GAL3ST1: variants seen among roughly 807,000 people sequenced by gnomAD.
GAL3ST1 encodes the protein galactose-3-O-sulfotransferase 1, also known as galactosylceramide sulfotransferase.
GAL3ST1 carries 13 observed loss-of-function variants against 25.0 expected under a neutral mutation model. The observed-to-expected ratio is 0.52, with a 90% CI of 0.34 to 0.83. The LOEUF is 0.83. GAL3ST1 is among the 40% of genes least tolerant of loss of function. The pLI, the probability that GAL3ST1 is intolerant of heterozygous loss-of-function variation, is 0.02. For missense variants in GAL3ST1, 474 were observed against 613.6 expected, an observed-to-expected ratio of 0.77 and a Z score of 2.40; for synonymous variants, 274 against 277.8, an observed-to-expected ratio of 0.99 and a Z score of 0.14.
chr22:30,556,185 G>A (rs1244563930), intron 3 of GAL3ST1, 92 bp from the exon 4 acceptor site: 10 of 1,070,582 alleles, frequency 9.3e-6, no homozygotes, highest in Non-Finnish European at 1.3e-5. Flanking sequence ...TGGGAACAGT[G>A]GTGGCAAAGG....
In GAL3ST1 at chr22:30,574,644, G is replaced by GGCC. The variant is rs2086857643; in HGVS notation, c.-301_-299dup. 1 of 143,826 alleles carries GGCC rather than the reference G, an allele frequency of 7.0e-6. No homozygotes were observed. The highest frequency in any genetic ancestry group is 1.5e-5 in the Non-Finnish European group (1 of 64,942). The allele number at this position is 143,826 out of a possible 1,614,324, so 8.9% of individuals were successfully genotyped here. ...CCGCTCCCGCGCCGCGCCCGCTCCC[G>GGCC]GCCAGGTGCCGCCGCCAGCCTGGCC... On this transcript the variant is annotated 5_prime_UTR_variant, in exon 1 of 4. Coordinates refer to ENST00000406361, the MANE Select transcript of GAL3ST1 (RefSeq NM_001318104.2).
intron 1 of GAL3ST1, chr22:30,564,999 G>C (rs1302826835): frequency 6.6e-6 from 1 of 152,346 alleles, no homozygotes; most frequent in African/African-American, 2.4e-5. Context: ...CCTGGGGATA[G>C]CAGGTGGCAC....
At chr22:30,556,246 C>T (rs1291951013) in intron 3 of GAL3ST1, 153 bp from the exon 4 acceptor site, 4 of 646,838 alleles carry the variant, frequency 6.2e-6, no homozygotes, top group African/African-American at 1.8e-5. Flanking sequence ...GGTGCCTGCG[C>T]GGGTGGTTTG....
chr22:30,555,262 G>A lies in GAL3ST1; in HGVS notation c.963C>T (p.Ala321=), dbSNP rs957550077. The A allele has an allele frequency of 4.4e-6, 7 of 1,601,476 alleles. No individual in the cohort carries two copies. The highest frequency in any genetic ancestry group is 6.0e-6 in the Non-Finnish European group (7 of 1,176,406). ...CGCGGGCCATGCGCTCCCGCCCGAAGGCCTCCACCTTGCGCCAGAAGCTGG... is the reference window on the plus strand; with the variant it reads ...CGCGGGCCATGCGCTCCCGCCCGAAAGCCTCCACCTTGCGCCAGAAGCTGG... The part of the protein sequence containing the change: ...FNASFWRKVE[A]FGRERMAREV... The change falls in exon 4 of 4, where the codon GCC becomes GCT. Residue 321 remains alanine (A), a synonymous_variant. Coordinates refer to ENST00000406361, the MANE Select transcript of GAL3ST1 (RefSeq NM_001318104.2). This position sits in a 1 kb window ranked among gnomAD's most constrained non-coding sequence, Gnocchi z 8.6.
chr22:30,573,128 T>C (rs888090143), intron 1 of GAL3ST1, among the ~76,000 whole-genome samples: 7 of 152,026 alleles, frequency 4.6e-5, no homozygotes, highest in African/African-American at 7.2e-5. Flanking sequence ...TTGTCTCGGC[T>C]CCCGGGGTAG....
Position 30,555,783 on chromosome 22 carries a change from C to G in GAL3ST1, c.442G>C (p.Glu148Gln), listed in dbSNP as rs917406506. 7 of 1,614,000 alleles carry G rather than the reference C, an allele frequency of 4.3e-6. No homozygotes were observed. In the Admixed American group the frequency reaches 1.0e-4, roughly 23 times the overall value. Residue 148 changes from glutamate (E) to glutamine (Q), a missense_variant, in exon 4 of 4, where the codon GAG becomes CAG. Glu to Gln is a conservative substitution (Grantham distance 29). Transcript: ENST00000406361. The surrounding 1 kb of genome is among the most constrained non-coding windows in gnomAD (Gnocchi z 8.6). The stretch of plus-strand genomic sequence containing the variant: ...TTGGTCGGCACCAGGCCGCGCACCT[C>G]GTCGTAGTGGAAGCGCATGTGGTTG... ...ICNHMRFHYD[E>Q]VRGLVPTNAI...
intron 1 of GAL3ST1, among the ~76,000 whole-genome samples, chr22:30,561,441 C>G (rs184004566): frequency 6.6e-5 from 10 of 152,340 alleles, no homozygotes; most frequent in South Asian, 2.1e-4. Flanking sequence ...CTCCACCCCC[C>G]ACCCTGCTGT....
At chr22:30,570,348 G>C (rs1347479031) in intron 1 of GAL3ST1, among the ~76,000 whole-genome samples, 2 of 152,178 alleles carry the variant, frequency 1.3e-5, no homozygotes, top group Non-Finnish European at 2.9e-5. Context: ...CTCAGACCCA[G>C]CAATCCACCT....
intron 3 of GAL3ST1, 62 bp from the exon 4 acceptor site, chr22:30,556,155 T>C: frequency 7.6e-7 from 1 of 1,311,176 alleles, no homozygotes; most frequent in South Asian, 1.3e-5. Flanking sequence ...AGGACTCTGG[T>C]AGTTAGAGAG....
intron 1 of GAL3ST1, among the ~76,000 whole-genome samples, chr22:30,571,874 A>G (rs1374328030): frequency 3.9e-5 from 6 of 152,022 alleles, no homozygotes; most frequent in Non-Finnish European, 7.4e-5. Context: ...AAAAACAAAA[A>G]CAAAAACAAA....
chr22:30,559,351 C>T (rs1037724782), intron 1 of GAL3ST1, among the ~76,000 whole-genome samples: 1 of 152,030 alleles, frequency 6.6e-6, no homozygotes, highest in East Asian at 1.9e-4. Context: ...AGCGATTCTC[C>T]TGCCTCAGCC....
In GAL3ST1 at chr22:30,555,589, GTGGGCATTGAAGCCGT is replaced by G; in HGVS notation, c.620_635del (p.Asn207ThrfsTer51). 6.2e-7 allele frequency: 1 copy of G among 1,613,594 alleles called. No individual in the cohort carries two copies. The highest frequency in any genetic ancestry group is 8.5e-7 in the Non-Finnish European group (1 of 1,180,040). ...CGAAGAAGAGCAGGTTTCGGAGGTA[GTGGGCATTGAAGCCGT>G]TGGGGTCGTAGTAGCGATCCGGGTC... is the stretch of plus-strand genomic sequence containing the variant. On this transcript the variant is annotated frameshift_variant, in exon 4 of 4. Transcript: ENST00000406361. LOFTEE classifies it high-confidence loss of function. The surrounding 1 kb of genome is among the most constrained non-coding windows in gnomAD (Gnocchi z 8.6).
At chr22:30,556,634 G>GC (rs1336241682) in intron 3 of GAL3ST1, among the ~76,000 whole-genome samples, 3 of 152,156 alleles carry the variant, frequency 2.0e-5, no homozygotes, top group Admixed American at 1.3e-4. Flanking sequence ...CCCCACCAGG[G>GC]CCCCGTTGGC....
rs779387845 is a variant in GAL3ST1 at position 30,555,894 on chromosome 22, C to G, written c.331G>C (p.Gly111Arg). Reference protein sequence around the residue: ...KHRLKFAFPNGRNDFDYPTFF... With the variant: ...KHRLKFAFPNRRNDFDYPTFF... ...GTCGGGTAGTCGAAGTCATTGCGGC[C>G]GTTAGGGAAGGCGAACTTGAGCCGG... The change falls in exon 4 of 4, where the codon GGC becomes CGC. Residue 111 changes from glycine (G) to arginine (R), a missense_variant. Gly to Arg is a moderately radical substitution (Grantham distance 125). Around this residue, in one of 2 missense-constraint regions of GAL3ST1, gnomAD observed 359 missense variants for 504.4 expected, o/e 0.71. Transcript: ENST00000406361. The surrounding 1 kb of genome is among the most constrained non-coding windows in gnomAD (Gnocchi z 8.6). 2 of 1,614,172 alleles carry G rather than the reference C, an allele frequency of 1.2e-6. No individual in the cohort carries two copies. The highest frequency in any genetic ancestry group is 4.5e-5 in the East Asian group (2 of 44,876).
chr22:30,557,787 CT>C (rs10711898), intron 2 of GAL3ST1: 114,391 of 150,486 alleles, frequency 0.76, 43,610 homozygotes, highest in Middle Eastern at 0.8. Context: ...TACTTATTAC[CT>C]TTTTTTTTTT....
intron 1 of GAL3ST1, among the ~76,000 whole-genome samples, chr22:30,569,227 TA>T (rs773519383): frequency 1.7e-4 from 26 of 151,396 alleles, no homozygotes; most frequent in Admixed American, 2.6e-4. Context: ...GGCTACTGGG[TA>T]AGAAATGAAC....
At chr22:30,573,418 G>A (rs900245770) in intron 1 of GAL3ST1, among the ~76,000 whole-genome samples, 1 of 152,214 alleles carries the variant, frequency 6.6e-6, no homozygotes, top group African/African-American at 2.4e-5. Context: ...ATGGGGATAG[G>A]TAGCAATGCC....
At chr22:30,570,904 C>T (rs1008082784) in intron 1 of GAL3ST1, among the ~76,000 whole-genome samples, 6 of 151,948 alleles carry the variant, frequency 3.9e-5, no homozygotes, top group Admixed American at 2.0e-4. Flanking sequence ...TGGAAAGACA[C>T]CCAGTTATAA....
chr22:30,556,024 G>GC lies in GAL3ST1; in HGVS notation c.200dup (p.Ser68LeufsTer43). ...GCCGCGGCTGGCACTCCCCCGCCGAGCCGTTGGCCCGGATCACTGCCTCTG... is the reference window on the plus strand; with the variant it reads ...GCCGCGGCTGGCACTCCCCCGCCGAGCCCGTTGGCCCGGATCACTGCCTCTG... On this transcript the variant is annotated frameshift_variant, in exon 4 of 4. Coordinates refer to ENST00000406361, the MANE Select transcript of GAL3ST1 (RefSeq NM_001318104.2). LOFTEE classifies it high-confidence loss of function. The GC allele has an allele frequency of 6.2e-7, 1 of 1,612,964 alleles. No homozygotes were observed. Among genetic ancestry groups the GC allele is most frequent in the Non-Finnish European group, 8.5e-7 (1 of 1,179,934 alleles).
Sources: allele counts gnomAD v4.1 joint callset (sites outside exome capture counted in the v4.1 genomes callset), GRCh38; gene constraint gnomAD v4.1.1; regional missense constraint gnomAD v4.1.1; non-coding constraint Gnocchi (gnomAD v3.1); transcripts MANE v1.5; gene names NCBI Gene and HGNC (gene_info 2026-07-23, HGNC 2026-07-21).